ZFP91: variants seen among roughly 807,000 people sequenced by gnomAD.
ZFP91 encodes the protein E3 ubiquitin-protein ligase ZFP91.
Under a neutral mutation model 63.5 loss-of-function variants are expected in ZFP91, and 7 were observed. The ratio of observed to expected loss-of-function variants is 0.11; its 90% confidence interval spans 0.06 to 0.21. ZFP91 has a LOEUF of 0.21. Ranked by LOEUF, ZFP91 falls within the 10% of genes least tolerant of loss-of-function variation. ZFP91 has a pLI of 1.00. For missense variants in ZFP91, 628 were observed against 736.6 expected (o/e 0.85, Z 1.71); for synonymous variants, 330 against 272.1 (o/e 1.21, Z -2.10).
chr11:58,586,414 T>C (rs1431781524), intron 2 of ZFP91, among the ~76,000 whole-genome samples: 3 of 152,190 alleles, frequency 2.0e-5, no homozygotes, highest in African/African-American at 7.2e-5. Context: ...GTGATCCGCC[T>C]GCCTCGTGTG....
intron 2 of ZFP91, among the ~76,000 whole-genome samples, chr11:58,592,079 C>CTTTTTTTTT (rs34964779): frequency 9.2e-6 from 1 of 108,394 alleles, no homozygotes; most frequent in African/African-American, 3.5e-5. Flanking sequence ...CTGAGCACAT[C>CTTTTTTTTT]TTTTTTTTTT....
At chr11:58,586,585 C>G (rs1203223541) in intron 2 of ZFP91, among the ~76,000 whole-genome samples, 1 of 152,136 alleles carries the variant, frequency 6.6e-6, no homozygotes, top group Non-Finnish European at 1.5e-5. Context: ...ATCTTCATCT[C>G]TGTTAGTTTA....
At chr11:58,613,717 T>C (rs553490265) in intron 8 of ZFP91, among the ~76,000 whole-genome samples, 1 of 152,302 alleles carries the variant, frequency 6.6e-6, no homozygotes, top group Admixed American at 6.5e-5. Context: ...ATTATTATTA[T>C]TATTTTTGAT....
chr11:58,603,211 G>A (rs906010531), intron 2 of ZFP91, among the ~76,000 whole-genome samples: 5 of 152,214 alleles, frequency 3.3e-5, no homozygotes, highest in Non-Finnish European at 5.9e-5. Context: ...TACAAACAAC[G>A]TGTAGAAGGT....
intron 1 of ZFP91, among the ~76,000 whole-genome samples, chr11:58,580,653 A>G (rs1217942307): frequency 6.6e-6 from 1 of 152,226 alleles, no homozygotes; most frequent in Non-Finnish European, 1.5e-5. Context: ...AAAACTTGAA[A>G]CAGACTTGGT....
chr11:58,588,852 T>G lies in ZFP91; in HGVS notation c.370+3968T>G, dbSNP rs546085647. On this transcript the variant is annotated intron_variant, in intron 2 of 10. Transcript: ENST00000316059. ...AAATCTAACTTGTAATTCTTACCAT[T>G]TGAGTTTGTGTACAAAAGGAAGAAT... Among the ~76,000 whole-genome samples, 7 of 152,316 alleles carry G rather than the reference T, an allele frequency of 4.6e-5. 1 individual carries two copies. The South Asian group carries it at 1.4e-3, about 32-fold the overall frequency.
intron 1 of ZFP91, 118 bp from the exon 2 acceptor site, chr11:58,584,738 G>A: frequency 2.2e-6 from 2 of 901,460 alleles, no homozygotes; most frequent in Non-Finnish European, 3.2e-6. Flanking sequence ...AAATTCTGTA[G>A]GACAACACTA....
At chr11:58,616,303 A>C (rs1245640218) in intron 9 of ZFP91, among the ~76,000 whole-genome samples, 2 of 152,064 alleles carry the variant, frequency 1.3e-5, no homozygotes, top group Admixed American at 6.6e-5. Flanking sequence ...TTTTGTTTGA[A>C]TGCCAGATTC....
At chr11:58,590,106 A>G (rs932149851) in intron 2 of ZFP91, among the ~76,000 whole-genome samples, 1 of 152,228 alleles carries the variant, frequency 6.6e-6, no homozygotes, top group African/African-American at 2.4e-5. Context: ...AAGCAGAGGA[A>G]ACTTAAAATC....
At chr11:58,579,936 ACC>A (rs1343226580) in intron 1 of ZFP91, among the ~76,000 whole-genome samples, 1 of 151,538 alleles carries the variant, frequency 6.6e-6, no homozygotes, top group Non-Finnish European at 1.5e-5. Context: ...TGGCATCCGC[ACC>A]CCCTTTGTCA....
At chr11:58,613,254 C>T (rs550333705) in intron 8 of ZFP91, among the ~76,000 whole-genome samples, 71 of 152,234 alleles carry the variant, frequency 4.7e-4, no homozygotes, top group South Asian at 1.4e-3. Flanking sequence ...CCACATCTCA[C>T]AAGAGCCTTT....
chr11:58,614,179 A>G, intron 8 of ZFP91, 50 bp from the exon 9 acceptor site: 2 of 1,249,034 alleles, frequency 1.6e-6, no homozygotes, highest in Non-Finnish European at 2.3e-6. Flanking sequence ...AAGTACTTTC[A>G]GGAAGCCTTA....
In ZFP91 at chr11:58,617,253, G is replaced by A; in HGVS notation, c.1260G>A (p.Lys420=). The A allele has an allele frequency of 6.2e-7, 1 of 1,611,968 alleles. No homozygotes were observed. The highest frequency in any genetic ancestry group is 1.1e-5 in the South Asian group (1 of 90,720). The change falls in exon 11 of 11, where the codon AAG becomes AAA. Residue 420 remains lysine, a synonymous_variant. Transcript: ENST00000316059. The surrounding 1 kb of genome is among the most constrained non-coding windows in gnomAD (Gnocchi z 4.2). ...AGGCATCTCTTAATTGGCACATGAA[G>A]AAACATGATGCAGACTCCTTCTACC... ...RQKASLNWHM[K]KHDADSFYQF...
chr11:58,579,291 G>A lies in ZFP91; in HGVS notation c.10G>A (p.Glu4Lys). Reference sequence around the variant, plus strand: ...GGACGGACAAGCCCCGATGCCGGGGGAGACGGAAGAGCCGAGACCCCCGGA... The same window carrying A: ...GGACGGACAAGCCCCGATGCCGGGGAAGACGGAAGAGCCGAGACCCCCGGA... MPG[E>K]TEEPRPPEQQ... The change falls in exon 1 of 11, where the codon GAG becomes AAG. Residue 4 changes from glutamate (E) to lysine (K), a missense_variant. By Grantham distance (56) the Glu-to-Lys change is moderately conservative. This residue lies in a region of ZFP91 where 437 missense variants were observed against 380.3 expected (regional missense o/e 1.15). Coordinates refer to ENST00000316059, the MANE Select transcript of ZFP91 (RefSeq NM_053023.5). 2.1e-6 allele frequency: 3 copies of A among 1,460,004 alleles called. No individual in the cohort carries two copies. Among genetic ancestry groups the A allele is most frequent in the Non-Finnish European group, 9.0e-7 (1 of 1,113,480 alleles). The allele number at this position is 1,460,004 out of a possible 1,614,324, so 90.4% of individuals were successfully genotyped here. A position where few individuals can be genotyped will look rare whatever the true frequency, so the allele number is the denominator to read the frequency against.
chr11:58,587,556 T>C (rs1855232446), intron 2 of ZFP91, among the ~76,000 whole-genome samples: 3 of 152,204 alleles, frequency 2.0e-5, no homozygotes, highest in Non-Finnish European at 2.9e-5. Context: ...ATTATCTTCA[T>C]GATTGTGGAG....
intron 2 of ZFP91, 120 bp from the exon 3 acceptor site, chr11:58,609,710 A>G: frequency 1.2e-6 from 1 of 857,864 alleles, no homozygotes; most frequent in Non-Finnish European, 1.8e-6. Context: ...TAAAGTCTTC[A>G]GTTTTTTTTC....
At chr11:58,596,828 A>G (rs191810740) in intron 2 of ZFP91, among the ~76,000 whole-genome samples, 1 of 152,172 alleles carries the variant, frequency 6.6e-6, no homozygotes, top group Admixed American at 6.5e-5. Context: ...TTCTATAACG[A>G]TGGCATCTTC....
At chr11:58,606,714 C>G (rs1339167368) in intron 2 of ZFP91, among the ~76,000 whole-genome samples, 1 of 152,046 alleles carries the variant, frequency 6.6e-6, no homozygotes, top group Non-Finnish European at 1.5e-5. Context: ...CTACTTTGGT[C>G]TCTGTGGTCT....
chr11:58,596,625 G>T (rs1004155775), intron 2 of ZFP91, among the ~76,000 whole-genome samples: 1 of 151,286 alleles, frequency 6.6e-6, no homozygotes, highest in East Asian at 1.9e-4. Context: ...ACTTCCTCTT[G>T]TGTGGTGTCT....
Sources: allele counts gnomAD v4.1 joint callset (sites outside exome capture counted in the v4.1 genomes callset), GRCh38; gene constraint gnomAD v4.1.1; regional missense constraint gnomAD v4.1.1; non-coding constraint Gnocchi (gnomAD v3.1); transcripts MANE v1.5; gene names NCBI Gene and HGNC (gene_info 2026-07-23, HGNC 2026-07-21).